TXNDC11: variants seen among roughly 807,000 people sequenced by gnomAD.
The protein encoded by TXNDC11 is thioredoxin domain-containing protein 11.
Under a neutral mutation model 78.0 loss-of-function variants are expected in TXNDC11, and 68 were observed. The ratio of observed to expected loss-of-function variants is 0.87; its 90% CI spans 0.72 to 1.07. The LOEUF (loss-of-function observed/expected upper bound fraction) is 1.07, where lower values mean the gene tolerates loss of function less well. Among genes scored for constraint, TXNDC11 ranks in the 50% least tolerant of loss-of-function variants. The pLI is 0.00. For missense variants in TXNDC11, 1,389 were observed against 1,221.8 expected, an observed-to-expected ratio of 1.14 and a Z score of -2.04; for synonymous variants, 571 against 495.2, an observed-to-expected ratio of 1.15 and a Z score of -2.03.
intron 7 of TXNDC11, among the ~76,000 whole-genome samples, chr16:11,695,270 A>G (rs1187771303): frequency 1.3e-5 from 2 of 151,970 alleles, no homozygotes; most frequent in Non-Finnish European, 2.9e-5. Flanking sequence ...GCTACCCACT[A>G]TGGGCTTGGT....
At chr16:11,739,127 T>C (rs917409581) in intron 1 of TXNDC11, among the ~76,000 whole-genome samples, 4 of 152,192 alleles carry the variant, frequency 2.6e-5, no homozygotes, top group Non-Finnish European at 5.9e-5. Flanking sequence ...CTCAGTAATT[T>C]TGCTCTGCAT....
chr16:11,718,718 GAATTAATT>G (rs747176966), intron 5 of TXNDC11, among the ~76,000 whole-genome samples: 3 of 152,050 alleles, frequency 2.0e-5, no homozygotes, highest in African/African-American at 7.2e-5. Flanking sequence ...GGATTAATTA[GAATTAATT>G]AATTAATTAA....
intron 5 of TXNDC11, among the ~76,000 whole-genome samples, chr16:11,718,936 T>G (rs2051623626): frequency 6.6e-6 from 1 of 152,220 alleles, no homozygotes; most frequent in African/African-American, 2.4e-5. Context: ...ATTTATCCCT[T>G]TCAACCTTAT....
intron 4 of TXNDC11, among the ~76,000 whole-genome samples, chr16:11,726,365 G>A (rs996699293): frequency 7.2e-5 from 11 of 152,080 alleles, no homozygotes; most frequent in South Asian, 4.2e-4. Flanking sequence ...GGCAGATCAC[G>A]AGGTCAAGAG....
intron 1 of TXNDC11, among the ~76,000 whole-genome samples, chr16:11,737,851 C>CAAAAA (rs538318388): frequency 1.8e-5 from 1 of 54,168 alleles, no homozygotes; most frequent in Admixed American, 2.0e-4. Flanking sequence ...CTACGTCTCT[C>CAAAAA]AAAAAAAAAA....
At position 11,706,397 on chromosome 16, in the gene TXNDC11, G is replaced by A. The variant is rs546106280; in HGVS notation, c.794-5833C>T. Among the ~76,000 whole-genome samples the A allele has an allele frequency of 4.6e-5, 7 of 152,332 alleles. No homozygotes were observed. In the South Asian group the frequency reaches 6.2e-4, roughly 14 times the overall value. ...GTGCTGAGCCCTGGGCCCTGTGATC[G>A]TCGGCTACAAGGCTGTGCACACAGG... On this transcript the variant is annotated intron_variant, in intron 5 of 11. Coordinates refer to ENST00000283033, the MANE Select transcript of TXNDC11 (RefSeq NM_015914.7).
intron 3 of TXNDC11, among the ~76,000 whole-genome samples, chr16:11,731,238 T>C (rs944877443): frequency 1.3e-5 from 2 of 152,232 alleles, no homozygotes; most frequent in Admixed American, 6.5e-5. Flanking sequence ...GCCCTTGGCC[T>C]ACTAAAAAGA....
At position 11,742,588 on chromosome 16, in the gene TXNDC11, A is replaced by G; in HGVS notation, c.143T>C (p.Leu48Pro). The change falls in exon 1 of 12, where the codon CTC (leucine) becomes CCC (proline). Residue 48 changes from leucine (L) to proline (P), a missense_variant. Leu to Pro is a moderately conservative substitution (Grantham distance 98). Transcript: ENST00000283033. ...GAAGGCGCCACGCAGCCCGCGACGG[A>G]GCCGGCCCGCCGAGGACGCTGTGGC... ...TLATASSAGR[L>P]RRGLRGAFLM... is the part of the protein sequence containing the mutation. 1 of 1,457,656 alleles carries G rather than the reference A, an allele frequency of 6.9e-7. No homozygotes were observed. The highest frequency in any genetic ancestry group is 9.0e-7 in the Non-Finnish European group (1 of 1,110,902). The allele number at this position is 1,457,656 out of a possible 1,614,324, so 90.3% of individuals were successfully genotyped here. A position where few individuals can be genotyped will look rare whatever the true frequency, so the allele number is the denominator to read the frequency against.
At chr16:11,691,144 T>C in intron 8 of TXNDC11, 146 bp downstream of exon 8, 1 of 653,082 alleles carries the variant, frequency 1.5e-6, no homozygotes, top group South Asian at 2.0e-5. Flanking sequence ...TTGAAAATTA[T>C]GACTGATGGT....
intron 5 of TXNDC11, among the ~76,000 whole-genome samples, chr16:11,702,871 G>A (rs1434442369): frequency 2.0e-5 from 3 of 152,138 alleles, no homozygotes; most frequent in Non-Finnish European, 4.4e-5. Flanking sequence ...GGATGAGGTC[G>A]GAGTGAGTAT....
chr16:11,728,945 G>C (rs560186627), intron 4 of TXNDC11, among the ~76,000 whole-genome samples: 3 of 152,182 alleles, frequency 2.0e-5, no homozygotes, highest in Admixed American at 2.0e-4. Context: ...AGATTGCAGC[G>C]AGCCAAGATC....
rs544833249 is a variant in TXNDC11 at position 11,703,765 on chromosome 16, G to C, written c.794-3201C>G. 5.7e-6 allele frequency: 4 copies of C among 700,686 alleles called. No homozygotes were observed. The African/African-American group carries it at 7.0e-5, about 12-fold the overall frequency. 43.4% of individuals were successfully genotyped at this position (700,686 alleles called of 1,614,324 possible). A position where few individuals can be genotyped will look rare whatever the true frequency, so the allele number is the denominator to read the frequency against. On this transcript the variant is annotated intron_variant, in intron 5 of 11. Transcript: ENST00000283033. ...TGATTCCAGAGCTGGGGTGAAGAAA[G>C]TACAAGATAAGCCTGAAATATCTTG...
intron 7 of TXNDC11, among the ~76,000 whole-genome samples, chr16:11,696,986 C>T (rs971488850): frequency 6.6e-6 from 1 of 152,150 alleles, no homozygotes; most frequent in African/African-American, 2.4e-5. Flanking sequence ...AGCTTTAAGG[C>T]TCTTAATATT....
At chr16:11,684,269 T>C (rs910755240) in intron 10 of TXNDC11, 24 bp from the exon 11 acceptor site, 22 of 1,573,892 alleles carry the variant, frequency 1.4e-5, no homozygotes, top group Non-Finnish European at 1.1e-5. Context: ...AGAACAGAAA[T>C]GGCAGATGAT....
intron 3 of TXNDC11, 55 bp from the exon 4 acceptor site, chr16:11,730,829 A>G (rs974880655): frequency 2.2e-6 from 3 of 1,351,418 alleles, no homozygotes; most frequent in Non-Finnish European, 3.0e-6. Flanking sequence ...TACACCATGC[A>G]TTAAGCCTGT....
At chr16:11,726,423 A>G (rs894621176) in intron 4 of TXNDC11, among the ~76,000 whole-genome samples, 4 of 151,898 alleles carry the variant, frequency 2.6e-5, no homozygotes, top group African/African-American at 9.7e-5. Context: ...TCTACTAAAA[A>G]TACAAAAATT....
chr16:11,711,868 G>A (rs1315202624), intron 5 of TXNDC11, among the ~76,000 whole-genome samples: 1 of 152,218 alleles, frequency 6.6e-6, no homozygotes, highest in Non-Finnish European at 1.5e-5. Context: ...TGAAGACTGT[G>A]TCATTCAGGT....
intron 7 of TXNDC11, among the ~76,000 whole-genome samples, chr16:11,693,616 AAATT>A (rs1171053130): frequency 6.6e-6 from 1 of 152,280 alleles, no homozygotes; most frequent in African/African-American, 2.4e-5. Flanking sequence ...ACACAAAAAT[AAATT>A]GTTTCAATAG....
Position 11,679,799 on chromosome 16 carries a change from A to G in TXNDC11, c.2273T>C (p.Ile758Thr), listed in dbSNP as rs1439533893. 1 of 1,613,866 alleles carries G rather than the reference A, an allele frequency of 6.2e-7. No homozygotes were observed. The highest frequency in any genetic ancestry group is 2.2e-5 in the East Asian group (1 of 44,862). ...LSVKYPEDVP[I>T]TLPNLLRFIL... is the part of the protein sequence containing the mutation. Reference sequence around the variant, plus strand: ...GAACCTCAACAGGTTTGGAAGGGTGATGGGGACGTCTTCGGGGTATTTCAC... The same window carrying G: ...GAACCTCAACAGGTTTGGAAGGGTGGTGGGGACGTCTTCGGGGTATTTCAC... Residue 758 changes from isoleucine (I) to threonine (T), a missense_variant, in exon 12 of 12, where the codon ATC (isoleucine) becomes ACC (threonine). Physicochemically the swap from Ile to Thr is moderately conservative, Grantham distance 89 (BLOSUM62 -1). Coordinates refer to ENST00000283033, the MANE Select transcript of TXNDC11 (RefSeq NM_015914.7). This position sits in a 1 kb window ranked among gnomAD's most constrained non-coding sequence, Gnocchi z 4.6.
Sources: allele counts gnomAD v4.1 joint callset (sites outside exome capture counted in the v4.1 genomes callset), GRCh38; gene constraint gnomAD v4.1.1; non-coding constraint Gnocchi (gnomAD v3.1); transcripts MANE v1.5; gene names NCBI Gene and HGNC (gene_info 2026-07-23, HGNC 2026-07-21).